The following HS6ST1 variants were observed in gnomAD, a reference collection of about 807,000 sequenced individuals.
The protein encoded by HS6ST1 is heparan-sulfate 6-O-sulfotransferase 1.
Under a neutral mutation model 25.2 loss-of-function variants are expected in HS6ST1, and 3 were observed. The ratio of observed to expected loss-of-function variants is 0.12; its 90% CI spans 0.05 to 0.31. The LOEUF is 0.31. Ranked by LOEUF, HS6ST1 falls within the 10% of genes least tolerant of loss-of-function variation. The probability of loss-of-function intolerance (pLI) is 1.00; values close to 1 mark genes in which losing one functional copy is unlikely to be tolerated. For missense variants in HS6ST1, 310 were observed against 609.6 expected (o/e 0.51, Z 5.18); for synonymous variants, 204 against 275.1 (o/e 0.74, Z 2.56).
chr2:128,302,870 T>C (rs982508373), intron 1 of HS6ST1, among the ~76,000 whole-genome samples: 2 of 152,214 alleles, frequency 1.3e-5, no homozygotes, highest in African/African-American at 2.4e-5. Context: ...TTCCCTGCTC[T>C]GTACAGGGCA....
chr2:128,277,816 C>T (rs1238859618), intron 1 of HS6ST1, among the ~76,000 whole-genome samples: 1 of 152,256 alleles, frequency 6.6e-6, no homozygotes, highest in Non-Finnish European at 1.5e-5. Flanking sequence ...TGAAATAATT[C>T]TAGTCTGCAC....
chr2:128,279,501 C>T (rs1693747185), intron 1 of HS6ST1, among the ~76,000 whole-genome samples: 1 of 152,032 alleles, frequency 6.6e-6, no homozygotes, highest in Non-Finnish European at 1.5e-5. Context: ...AAGGACATGG[C>T]GTGGTGAGGA....
At chr2:128,286,405 CAGGTCAGG>C (rs1693861620) in intron 1 of HS6ST1, among the ~76,000 whole-genome samples, 2 of 152,062 alleles carry the variant, frequency 1.3e-5, no homozygotes, top group South Asian at 4.1e-4. Context: ...CATCAGACTG[CAGGTCAGG>C]AGCTTGGAGG....
chr2:128,285,176 G>T (rs1693843914), intron 1 of HS6ST1, among the ~76,000 whole-genome samples: 1 of 152,250 alleles, frequency 6.6e-6, no homozygotes, highest in Non-Finnish European at 1.5e-5. Context: ...TCCAGTAAGG[G>T]AAATGAGTGT....
chr2:128,315,570 A>G (rs953909335), intron 1 of HS6ST1, among the ~76,000 whole-genome samples: 2 of 152,190 alleles, frequency 1.3e-5, no homozygotes, highest in African/African-American at 4.8e-5. Context: ...CCAGGGTGAC[A>G]CCTGAGTCTC....
Position 128,318,564 on chromosome 2 carries a change from G to T in HS6ST1, c.-1C>A, listed in dbSNP as rs1379524589. ...TGCCGCCGGCGCGCCGCCGCCGCAT[G>T]TGTCACCATCGCCGGGGCCCGGGCG... On this transcript the variant is annotated 5_prime_UTR_variant, in exon 1 of 2. Coordinates refer to ENST00000259241, the MANE Select transcript of HS6ST1 (RefSeq NM_004807.3). This position sits in a 1 kb window ranked among gnomAD's most constrained non-coding sequence, Gnocchi z 5.7. 2.7e-6 allele frequency: 4 copies of T among 1,460,394 alleles called. No individual in the cohort carries two copies. Among genetic ancestry groups the T allele is most frequent in the Non-Finnish European group, 2.7e-6 (3 of 1,114,628 alleles). The allele number at this position is 1,460,394 out of a possible 1,614,324, so 90.5% of individuals were successfully genotyped here.
chr2:128,318,627 C>T lies in HS6ST1; in HGVS notation c.-64G>A, dbSNP rs1229011864. On this transcript the variant is annotated 5_prime_UTR_variant, in exon 1 of 2. Transcript: ENST00000259241. This position sits in a 1 kb window ranked among gnomAD's most constrained non-coding sequence, Gnocchi z 5.7. ...CCTGGGAGGGCAGGAGGCGCGGGCGCAGCTGCCTCCGCCGCCGCCCGCGCT... is the reference window on the plus strand; with the variant it reads ...CCTGGGAGGGCAGGAGGCGCGGGCGTAGCTGCCTCCGCCGCCGCCCGCGCT... 602 of 650,540 alleles carry T rather than the reference C, an allele frequency of 9.3e-4. 4 individuals are homozygous for T. In the East Asian group the frequency reaches 0.019, roughly 20 times the overall value. The allele number at this position is 650,540 out of a possible 1,614,324, so 40.3% of individuals were successfully genotyped here. A position where few individuals can be genotyped will look rare whatever the true frequency, so the allele number is the denominator to read the frequency against.
At chr2:128,299,687 G>A (rs1368227982) in intron 1 of HS6ST1, among the ~76,000 whole-genome samples, 1 of 152,210 alleles carries the variant, frequency 6.6e-6, no homozygotes, top group African/African-American at 2.4e-5. Context: ...GGGCACAGAG[G>A]GTAATCACAG....
chr2:128,291,970 G>T (rs1693958712), intron 1 of HS6ST1, among the ~76,000 whole-genome samples: 1 of 152,240 alleles, frequency 6.6e-6, no homozygotes. Flanking sequence ...AACGCCAGGG[G>T]AGACCCTGCC....
At chr2:128,274,165 G>C (rs917927950) in intron 1 of HS6ST1, among the ~76,000 whole-genome samples, 1 of 152,148 alleles carries the variant, frequency 6.6e-6, no homozygotes, top group African/African-American at 2.4e-5. Context: ...CAGAAAGAGG[G>C]GAGAGAGAAA....
At chr2:128,280,919 C>T (rs1028086158) in intron 1 of HS6ST1, among the ~76,000 whole-genome samples, 1 of 152,220 alleles carries the variant, frequency 6.6e-6, no homozygotes, top group African/African-American at 2.4e-5. Context: ...TTTGGCAGGA[C>T]ACCCGGATGG....
chr2:128,302,076 C>T (rs1227779024), intron 1 of HS6ST1, among the ~76,000 whole-genome samples: 1 of 152,204 alleles, frequency 6.6e-6, no homozygotes, highest in South Asian at 2.1e-4. Context: ...TCCCTCAGGA[C>T]ACCCTGAGGC....
chr2:128,269,711 C>A (rs1490259289), intron 1 of HS6ST1, among the ~76,000 whole-genome samples: 2 of 152,198 alleles, frequency 1.3e-5, no homozygotes, highest in Admixed American at 1.3e-4. Context: ...CCTGTCCACG[C>A]TGGGGTGGGT....
Position 128,265,618 on chromosome 2 carries a change from T to A in HS6ST1, c.*2544A>T, listed in dbSNP as rs1192836454. On this transcript the variant is annotated 3_prime_UTR_variant, in exon 2 of 2. Transcript: ENST00000259241. ...AAAAAATTTCTTCAACACTTTTTTT[T>A]AAGAAGAAGCTATAAATAAATAAAG... 1.3e-5 allele frequency: 2 copies of A among 152,276 alleles called. No individual in the cohort carries two copies. The highest frequency in any genetic ancestry group is 1.5e-5 in the Non-Finnish European group (1 of 68,058). 9.4% of individuals were successfully genotyped at this position (152,276 alleles called of 1,614,324 possible).
At chr2:128,279,773 G>A (rs1016232907) in intron 1 of HS6ST1, among the ~76,000 whole-genome samples, 5 of 152,186 alleles carry the variant, frequency 3.3e-5, no homozygotes, top group African/African-American at 1.2e-4. Context: ...TCCAACCTGG[G>A]CAACAGAGCG....
chr2:128,289,541 A>G (rs1420375217), intron 1 of HS6ST1: 2 of 152,240 alleles, frequency 1.3e-5, no homozygotes, highest in East Asian at 1.9e-4. Flanking sequence ...TGAGATGAGC[A>G]GCACGAAGCT....
chr2:128,277,048 A>G (rs1216695938), intron 1 of HS6ST1, among the ~76,000 whole-genome samples: 1 of 152,142 alleles, frequency 6.6e-6, no homozygotes, highest in Non-Finnish European at 1.5e-5. Flanking sequence ...CCGTGGCCAC[A>G]CTGGAAGGAA....
rs77871188 is a variant in HS6ST1 at position 128,290,387 on chromosome 2, C to T, written c.528-21517G>A. Among the ~76,000 whole-genome samples, 1,216 of 152,170 alleles carry T rather than the reference C, an allele frequency of 8.0e-3. 14 individuals carry two copies. The highest frequency in any genetic ancestry group is 0.025 in the African/African-American group (1,041 of 41,526). The stretch of plus-strand genomic sequence containing the variant: ...CTAATACCGAAGTTGGACAAATGCA[C>T]AAGAGAGGAAAATTGCAGCCTGGTG... On this transcript the variant is annotated intron_variant, in intron 1 of 1. Transcript: ENST00000259241.
chr2:128,292,169 C>G (rs544462264), intron 1 of HS6ST1, among the ~76,000 whole-genome samples: 74 of 152,312 alleles, frequency 4.9e-4, no homozygotes, highest in African/African-American at 1.7e-3. Flanking sequence ...CTGCCCAGCT[C>G]TAGGCCCTCT....
Sources: allele counts gnomAD v4.1 joint callset (sites outside exome capture counted in the v4.1 genomes callset), GRCh38; gene constraint gnomAD v4.1.1; non-coding constraint Gnocchi (gnomAD v3.1); transcripts MANE v1.5; gene names NCBI Gene and HGNC (gene_info 2026-07-23, HGNC 2026-07-21).